ZNF804A: variants seen among roughly 807,000 people sequenced by gnomAD.
The protein encoded by ZNF804A is zinc finger protein 804A.
ZNF804A carries 2 observed loss-of-function variants against 16.5 expected under a neutral mutation model. The observed-to-expected ratio is 0.12, with a 90% CI of 0.05 to 0.38. The LOEUF (loss-of-function observed/expected upper bound fraction) is 0.38, where lower values mean the gene tolerates loss of function less well. Among genes scored for constraint, ZNF804A ranks in the 10% least tolerant of loss-of-function variants. ZNF804A has a pLI of 0.99. For synonymous variants in ZNF804A, 534 were observed against 489.6 expected (o/e 1.09, Z -1.20); for missense variants, 1,473 against 1,390.7 (o/e 1.06, Z -0.94).
intron 2 of ZNF804A, among the ~76,000 whole-genome samples, chr2:184,889,149 A>ATT (rs371362703): frequency 6.8e-6 from 1 of 146,580 alleles, no homozygotes; most frequent in Non-Finnish European, 1.5e-5. Flanking sequence ...CTCTTCATGT[A>ATT]TTTTTTTTTT....
intron 1 of ZNF804A, among the ~76,000 whole-genome samples, chr2:184,737,517 G>C (rs1693645467): frequency 6.6e-6 from 1 of 151,836 alleles, no homozygotes; most frequent in Non-Finnish European, 1.5e-5. Context: ...CTTATACTTG[G>C]TGCTTTTGAA....
intron 2 of ZNF804A, among the ~76,000 whole-genome samples, chr2:184,924,530 G>C (rs1045196100): frequency 6.7e-6 from 1 of 149,016 alleles, no homozygotes; most frequent in Non-Finnish European, 1.5e-5. Context: ...TTGATGTTTT[G>C]TATTGTTTCC....
At chr2:184,896,153 C>T (rs867565986) in intron 2 of ZNF804A, among the ~76,000 whole-genome samples, 1 of 151,996 alleles carries the variant, frequency 6.6e-6, no homozygotes, top group African/African-American at 2.4e-5. Context: ...ACACAAAACA[C>T]GACCTACCTA....
At chr2:184,757,897 T>A (rs1427692866) in intron 1 of ZNF804A, among the ~76,000 whole-genome samples, 2 of 152,020 alleles carry the variant, frequency 1.3e-5, no homozygotes. Context: ...TTTTCCTGTT[T>A]GGAGTTTCAC....
At chr2:184,820,149 A>G (rs569750011) in intron 1 of ZNF804A, among the ~76,000 whole-genome samples, 2 of 152,124 alleles carry the variant, frequency 1.3e-5, no homozygotes, top group Non-Finnish European at 2.9e-5. Context: ...CCTGATGAAC[A>G]TTGATGCAAA....
At chr2:184,693,274 T>C (rs532901304) in intron 1 of ZNF804A, among the ~76,000 whole-genome samples, 2 of 152,304 alleles carry the variant, frequency 1.3e-5, no homozygotes, top group South Asian at 4.1e-4. Context: ...TAAGGGGTTA[T>C]AGAATTTATG....
chr2:184,826,270 T>C (rs918617307), intron 1 of ZNF804A, among the ~76,000 whole-genome samples: 2 of 152,108 alleles, frequency 1.3e-5, no homozygotes, highest in African/African-American at 4.8e-5. Context: ...AGCTTTTTTG[T>C]TCTTTAAAAT....
intron 1 of ZNF804A, among the ~76,000 whole-genome samples, chr2:184,713,335 C>T (rs1189786843): frequency 6.6e-6 from 1 of 151,810 alleles, no homozygotes; most frequent in African/African-American, 2.4e-5. Context: ...ACCTAGTTCC[C>T]TCTGTTATGT....
chr2:184,857,162 T>C (rs894727607), intron 1 of ZNF804A, among the ~76,000 whole-genome samples: 5 of 152,120 alleles, frequency 3.3e-5, no homozygotes, highest in African/African-American at 1.2e-4. Context: ...GTTTTGGTTT[T>C]ATTTTCCATT....
intron 1 of ZNF804A, among the ~76,000 whole-genome samples, chr2:184,750,884 A>G (rs893052782): frequency 1.3e-5 from 2 of 151,240 alleles, no homozygotes; most frequent in South Asian, 2.1e-4. Context: ...TCAGGCTTCT[A>G]TGAGTTTGAC....
chr2:184,694,107 CT>C (rs77462641), intron 1 of ZNF804A, among the ~76,000 whole-genome samples: 2,688 of 141,954 alleles, frequency 0.019, 78 homozygotes, highest in African/African-American at 0.06. Flanking sequence ...TTTATTTTTA[CT>C]TTTTTTTTTT....
chr2:184,838,603 T>C (rs1036316648), intron 1 of ZNF804A, among the ~76,000 whole-genome samples: 4 of 152,152 alleles, frequency 2.6e-5, no homozygotes, highest in Non-Finnish European at 5.9e-5. Flanking sequence ...AATATTCATA[T>C]TTTTATTAAA....
chr2:184,883,997 G>T (rs1483695115), intron 2 of ZNF804A, among the ~76,000 whole-genome samples: 1 of 152,082 alleles, frequency 6.6e-6, no homozygotes, highest in African/African-American at 2.4e-5. Context: ...CATCTGGATA[G>T]CAAAAGAGAA....
intron 2 of ZNF804A, among the ~76,000 whole-genome samples, chr2:184,926,073 T>G (rs1685606567): frequency 6.6e-6 from 1 of 152,118 alleles, no homozygotes; most frequent in African/African-American, 2.4e-5. Context: ...CATGTTTTTC[T>G]GTGTACTTAC....
At chr2:184,892,545 C>T (rs1685002007) in intron 2 of ZNF804A, among the ~76,000 whole-genome samples, 1 of 132,112 alleles carries the variant, frequency 7.6e-6, no homozygotes, top group African/African-American at 2.7e-5. Flanking sequence ...AGTGCAGTGG[C>T]TCGATCTCGG....
At chr2:184,735,838 A>T (rs1256244909) in intron 1 of ZNF804A, among the ~76,000 whole-genome samples, 1 of 152,212 alleles carries the variant, frequency 6.6e-6, no homozygotes, top group Non-Finnish European at 1.5e-5. Flanking sequence ...TAGGGGCAGA[A>T]CTAAGCATGT....
At chr2:184,655,359 T>C (rs929041467) in intron 1 of ZNF804A, among the ~76,000 whole-genome samples, 1 of 152,066 alleles carries the variant, frequency 6.6e-6, no homozygotes, top group Non-Finnish European at 1.5e-5. Context: ...GGATGGAGGA[T>C]AGAGTAGGGA....
At chr2:184,716,145 C>G (rs903751186) in intron 1 of ZNF804A, among the ~76,000 whole-genome samples, 4 of 151,930 alleles carry the variant, frequency 2.6e-5, no homozygotes, top group African/African-American at 9.7e-5. Context: ...AGAAATAGAA[C>G]AATGAGAAAA....
chr2:184,909,249 G>A (rs1247559700), intron 2 of ZNF804A, among the ~76,000 whole-genome samples: 1 of 152,060 alleles, frequency 6.6e-6, no homozygotes, highest in African/African-American at 2.4e-5. Flanking sequence ...ATTAACAGAT[G>A]AGTTCAGAAG....
Sources: allele counts gnomAD v4.1 joint callset (sites outside exome capture counted in the v4.1 genomes callset), GRCh38; gene constraint gnomAD v4.1.1; transcripts MANE v1.5; gene names NCBI Gene and HGNC (gene_info 2026-07-23, HGNC 2026-07-21).